Variants in WNK1 observed in about 807,000 individuals in gnomAD.
The protein encoded by WNK1 is serine/threonine-protein kinase WNK1.
A neutral mutation model predicts 222.8 loss-of-function variants in WNK1; 38 were observed. That is an observed-to-expected ratio of 0.17 (90% confidence interval 0.13 to 0.22). WNK1 has a LOEUF of 0.22. WNK1 is among the 10% of genes least tolerant of loss of function. The pLI is 1.00. For missense variants in WNK1, 2,348 were observed against 2,918.4 expected, an observed-to-expected ratio of 0.80 and a Z score of 4.50; for synonymous variants, 1,090 against 1,092.9, an observed-to-expected ratio of 1.00 and a Z score of 0.05.
chr12:845,300 A>C (rs1283991463), intron 4 of WNK1, among the ~76,000 whole-genome samples: 2 of 152,176 alleles, frequency 1.3e-5, no homozygotes, highest in Admixed American at 1.3e-4. Context: ...ATACTTATTA[A>C]AGAAACATGC....
chr12:774,374 ATCCAACCAGAC>A (rs1208693700), intron 1 of WNK1, among the ~76,000 whole-genome samples: 2 of 152,104 alleles, frequency 1.3e-5, no homozygotes, highest in African/African-American at 4.8e-5. Flanking sequence ...CTTGAGTATA[ATCCAACCAGAC>A]TCCTTCCTTT....
intron 1 of WNK1, among the ~76,000 whole-genome samples, chr12:805,931 A>C (rs1239366703): frequency 6.6e-6 from 1 of 152,178 alleles, no homozygotes; most frequent in African/African-American, 2.4e-5. Flanking sequence ...GAAGAAAAAA[A>C]AATTCTTTTC....
At chr12:839,884 A>AT (rs781052888) in intron 4 of WNK1, among the ~76,000 whole-genome samples, 15,489 of 128,368 alleles carry the variant, frequency 0.12, 1,136 homozygotes, top group Middle Eastern at 0.21. Flanking sequence ...TGCCTGGCTA[A>AT]TTTTTTTTTT....
chr12:753,583 A>G lies in WNK1; in HGVS notation c.18A>G (p.Ala6=). The G allele has an allele frequency of 2.5e-6, 4 of 1,612,590 alleles. No homozygotes were observed. Among genetic ancestry groups the G allele is most frequent in the Non-Finnish European group, 3.4e-6 (4 of 1,179,922 alleles). The part of the protein sequence containing the change: MSGGA[A]EKQSSTPGSL... ...AACCGACCATGTCTGGCGGCGCCGC[A>G]GAGAAGCAGAGCAGCACTCCCGGTT... The change falls in exon 1 of 28, where the codon GCA becomes GCG. Residue 6 remains alanine (A), a synonymous_variant. Transcript: ENST00000315939. The surrounding 1 kb of genome is among the most constrained non-coding windows in gnomAD (Gnocchi z 5.2).
At chr12:783,134 C>T (rs977776929) in intron 1 of WNK1, among the ~76,000 whole-genome samples, 14 of 151,880 alleles carry the variant, frequency 9.2e-5, no homozygotes, top group African/African-American at 2.7e-4. Flanking sequence ...ACACTGGTCT[C>T]GAACTCCTGG....
chr12:811,369 A>G lies in WNK1; in HGVS notation c.760-2273A>G, dbSNP rs184203419. Among the ~76,000 whole-genome samples, 291 of 152,244 alleles carry G rather than the reference A, an allele frequency of 1.9e-3. 3 individuals are homozygous for G. The highest frequency in any genetic ancestry group is 6.9e-3 in the African/African-American group (287 of 41,532). On this transcript the variant is annotated intron_variant, in intron 1 of 27. Coordinates refer to ENST00000315939, the MANE Select transcript of WNK1 (RefSeq NM_018979.4). Reference sequence around the variant, plus strand: ...CTTCTGAGAAGAAAATTATTTTAGAAGTTTTGCAAAATATTTAGGGTTTGT... The same window carrying G: ...CTTCTGAGAAGAAAATTATTTTAGAGGTTTTGCAAAATATTTAGGGTTTGT...
At chr12:841,383 C>T (rs2154041916) in intron 4 of WNK1, among the ~76,000 whole-genome samples, 1 of 152,276 alleles carries the variant, frequency 6.6e-6, no homozygotes, top group Non-Finnish European at 1.5e-5. Context: ...TTGTGTCTGG[C>T]TTCTTTCACT....
intron 2 of WNK1, among the ~76,000 whole-genome samples, chr12:816,356 A>T (rs1169888568): frequency 6.6e-6 from 1 of 152,136 alleles, no homozygotes; most frequent in Non-Finnish European, 1.5e-5. Flanking sequence ...TGCAGCCTCA[A>T]ACTCCTGGGC....
At chr12:765,639 A>T (rs2153935618) in intron 1 of WNK1, among the ~76,000 whole-genome samples, 1 of 152,208 alleles carries the variant, frequency 6.6e-6, no homozygotes, top group Non-Finnish European at 1.5e-5. Context: ...AAAAAATATA[A>T]CGATATGAGG....
At chr12:904,764 G>C (rs72650790) in intron 26 of WNK1, among the ~76,000 whole-genome samples, 23 of 152,142 alleles carry the variant, frequency 1.5e-4, no homozygotes, top group African/African-American at 5.6e-4. Flanking sequence ...AGTTCCTATG[G>C]GAGAGCGATC....
At chr12:900,947 G>A (rs1955206385) in intron 26 of WNK1, 4 of 484,338 alleles carry the variant, frequency 8.3e-6, no homozygotes, top group Non-Finnish European at 1.5e-5. Flanking sequence ...TTGGAACTTA[G>A]GCTTTAATAT....
chr12:782,888 T>C (rs766269464), intron 1 of WNK1, among the ~76,000 whole-genome samples: 1 of 151,732 alleles, frequency 6.6e-6, no homozygotes, highest in Non-Finnish European at 1.5e-5. Flanking sequence ...CCAATATATA[T>C]CCAAACATAG....
chr12:784,231 T>C (rs966489661), intron 1 of WNK1, among the ~76,000 whole-genome samples: 4 of 152,030 alleles, frequency 2.6e-5, no homozygotes, highest in African/African-American at 9.7e-5. Context: ...TCTAAAGAAA[T>C]TGTATTTTAT....
Position 868,603 on chromosome 12 carries a change from T to C in WNK1, c.2140-2662T>C, listed in dbSNP as rs1046532593. ...CGCCTGCTGTGTTAACTCATAACAA[T>C]GAGAGCAGAAGCAACTGTGTATTTG... On this transcript the variant is annotated intron_variant, in intron 8 of 27. Coordinates refer to ENST00000315939, the MANE Select transcript of WNK1 (RefSeq NM_018979.4). 2 of 1,614,006 alleles carry C rather than the reference T, an allele frequency of 1.2e-6. No individual in the cohort carries two copies. Among genetic ancestry groups the C allele is most frequent in the Non-Finnish European group, 1.7e-6 (2 of 1,179,872 alleles).
chr12:790,579 G>A (rs1565434665), intron 1 of WNK1, among the ~76,000 whole-genome samples: 1 of 152,186 alleles, frequency 6.6e-6, no homozygotes, highest in Non-Finnish European at 1.5e-5. Flanking sequence ...ACCTGTGTAT[G>A]TGTGTGTAAA....
intron 8 of WNK1, among the ~76,000 whole-genome samples, chr12:866,260 A>G (rs762497927): frequency 1.3e-5 from 2 of 152,234 alleles, no homozygotes; most frequent in Non-Finnish European, 2.9e-5. Flanking sequence ...TGAACAGTTG[A>G]TCTACTTTGC....
chr12:770,834 T>A (rs1942387516), intron 1 of WNK1, among the ~76,000 whole-genome samples: 1 of 152,166 alleles, frequency 6.6e-6, no homozygotes, highest in Non-Finnish European at 1.5e-5. Flanking sequence ...GAAATGGCAT[T>A]TCTTTATGGC....
chr12:785,698 C>A (rs569254160), intron 1 of WNK1, among the ~76,000 whole-genome samples: 2 of 152,214 alleles, frequency 1.3e-5, no homozygotes, highest in Admixed American at 1.3e-4. Flanking sequence ...CATGACCCTG[C>A]CTTTTCCAGG....
chr12:884,683 C>G lies in WNK1; in HGVS notation c.3879C>G (p.Asn1293Lys). ...AASTAQSPGM[N>K]LSHSASSLSL... ...CTACAGCTCAGAGCCCTGGAATGAA[C>G]TTGTCTCACTCTGCATCATCCCTTA... The change falls in exon 19 of 28, where the codon AAC (asparagine) becomes AAG (lysine). Residue 1293 changes from asparagine (N) to lysine (K), a missense_variant. Around this residue, in one of 13 missense-constraint regions of WNK1, gnomAD observed 1,144 missense variants for 1,273.6 expected, o/e 0.90. Transcript: ENST00000315939. The surrounding 1 kb of genome is among the most constrained non-coding windows in gnomAD (Gnocchi z 5.6). The G allele has an allele frequency of 6.8e-6, 11 of 1,614,206 alleles. No homozygotes were observed. Among genetic ancestry groups the G allele is most frequent in the Non-Finnish European group, 9.3e-6 (11 of 1,180,040 alleles).
Sources: allele counts gnomAD v4.1 joint callset (sites outside exome capture counted in the v4.1 genomes callset), GRCh38; gene constraint gnomAD v4.1.1; regional missense constraint gnomAD v4.1.1; non-coding constraint Gnocchi (gnomAD v3.1); transcripts MANE v1.5; gene names NCBI Gene and HGNC (gene_info 2026-07-23, HGNC 2026-07-21).